Variants in STAG1 observed in about 807,000 individuals in gnomAD.
The protein encoded by STAG1 is cohesin subunit SA-1.
In STAG1, 26 loss-of-function variants were observed where a neutral mutation model predicts 170.9. The observed-to-expected ratio is 0.15, with a 90% confidence interval of 0.11 to 0.21. The LOEUF (loss-of-function observed/expected upper bound fraction) is 0.21, where lower values mean the gene tolerates loss of function less well. STAG1 is among the 10% of genes least tolerant of loss of function. The pLI, the probability that STAG1 is intolerant of heterozygous loss-of-function variation, is 1.00. For missense variants in STAG1, 964 were observed against 1,509.5 expected, an observed-to-expected ratio of 0.64 and a Z score of 5.99; for synonymous variants, 514 against 497.7, an observed-to-expected ratio of 1.03 and a Z score of -0.44.
rs1224034967 is a variant in STAG1 at position 136,455,632 on chromosome 3, C to T, written c.1314-3485G>A. On this transcript the variant is annotated intron_variant, in intron 13 of 33. Transcript: ENST00000383202. ...CAACTGGTGCACGGATCTTGGCAGCCACTCGGCACATTGGCCAGTGGGAAT... is the reference window on the plus strand; with the variant it reads ...CAACTGGTGCACGGATCTTGGCAGCTACTCGGCACATTGGCCAGTGGGAAT... Among the ~76,000 whole-genome samples, 7 of 152,198 alleles carry T rather than the reference C, an allele frequency of 4.6e-5. No individual in the cohort carries two copies. The East Asian group carries it at 1.2e-3, about 25-fold the overall frequency.
chr3:136,464,314 T>C (rs1430000094), intron 13 of STAG1, among the ~76,000 whole-genome samples: 1 of 151,982 alleles, frequency 6.6e-6, no homozygotes, highest in Admixed American at 6.6e-5. Flanking sequence ...TCCCAGCTAC[T>C]TGGGAAGCTG....
At chr3:136,672,966 A>G (rs984494802) in intron 1 of STAG1, among the ~76,000 whole-genome samples, 8 of 152,234 alleles carry the variant, frequency 5.3e-5, no homozygotes, top group African/African-American at 1.9e-4. Flanking sequence ...TCCCAAAGCA[A>G]GACTAGATGT....
At chr3:136,573,306 T>G (rs1937336193) in intron 4 of STAG1, among the ~76,000 whole-genome samples, 1 of 152,052 alleles carries the variant, frequency 6.6e-6, no homozygotes. Context: ...GGTGGGTGGA[T>G]AATGCAGCCT....
chr3:136,703,419 G>A (rs1277372812), intron 1 of STAG1, among the ~76,000 whole-genome samples: 1 of 152,208 alleles, frequency 6.6e-6, no homozygotes, highest in African/African-American at 2.4e-5. Context: ...AAAAATTGGG[G>A]TTGTGTGTTT....
intron 13 of STAG1, among the ~76,000 whole-genome samples, chr3:136,454,638 C>T (rs576576013): frequency 2.0e-5 from 3 of 152,286 alleles, no homozygotes; most frequent in African/African-American, 7.2e-5. Flanking sequence ...CCTCGGCCTC[C>T]CAAAGTGCTG....
At chr3:136,499,774 T>C (rs1463775256) in intron 9 of STAG1, 3 of 152,076 alleles carry the variant, frequency 2.0e-5, no homozygotes, top group Non-Finnish European at 4.4e-5. Flanking sequence ...GTTGTTGCAT[T>C]AACTGCGGGG....
intron 16 of STAG1, among the ~76,000 whole-genome samples, chr3:136,431,889 G>C (rs1164190209): frequency 3.3e-5 from 5 of 152,094 alleles, no homozygotes; most frequent in Non-Finnish European, 7.4e-5. Flanking sequence ...TCTATATGTG[G>C]AACTTTTGTG....
At chr3:136,355,329 GT>G (rs1339634199) in intron 28 of STAG1, among the ~76,000 whole-genome samples, 1 of 131,916 alleles carries the variant, frequency 7.6e-6, no homozygotes, top group African/African-American at 2.8e-5. Context: ...TCCAGCCTGG[GT>G]ATCAGAGTGA....
intron 1 of STAG1, among the ~76,000 whole-genome samples, chr3:136,650,226 A>G (rs936198167): frequency 6.7e-6 from 1 of 150,048 alleles, no homozygotes; most frequent in Admixed American, 6.7e-5. Context: ...ACAAAGTGAG[A>G]CCCTGTCAAG....
At chr3:136,472,536 A>T in intron 11 of STAG1, 44 bp from the exon 12 acceptor site, 1 of 1,358,870 alleles carries the variant, frequency 7.4e-7, no homozygotes, top group Non-Finnish European at 1.1e-6. Context: ...TGAACAGAAA[A>T]TAAGCTGGGA....
At chr3:136,629,508 T>C (rs997950200) in intron 2 of STAG1, among the ~76,000 whole-genome samples, 3 of 152,056 alleles carry the variant, frequency 2.0e-5, no homozygotes, top group Admixed American at 6.5e-5. Flanking sequence ...TATTTATATA[T>C]ATGATATCAT....
chr3:136,596,893 G>A (rs1218387226), intron 4 of STAG1, among the ~76,000 whole-genome samples: 1 of 151,984 alleles, frequency 6.6e-6, no homozygotes, highest in Non-Finnish European at 1.5e-5. Context: ...GCCAACATAG[G>A]GAAACCTTGT....
chr3:136,498,707 A>C (rs1440160595), intron 9 of STAG1, among the ~76,000 whole-genome samples: 2 of 151,960 alleles, frequency 1.3e-5, no homozygotes, highest in African/African-American at 4.8e-5. Flanking sequence ...AAAAAAAAAA[A>C]CAAAGACTGC....
At chr3:136,475,828 G>A (rs1020514587) in intron 10 of STAG1, among the ~76,000 whole-genome samples, 2 of 152,164 alleles carry the variant, frequency 1.3e-5, no homozygotes, top group Non-Finnish European at 2.9e-5. Context: ...AAGAGAAAAT[G>A]ACAGGGCCAG....
At chr3:136,357,591 C>A in intron 28 of STAG1, 129 bp downstream of exon 28, 1 of 694,298 alleles carries the variant, frequency 1.4e-6, no homozygotes, top group Non-Finnish European at 2.3e-6. Context: ...ACTATAATTC[C>A]TTAAAACAAA....
chr3:136,433,657 T>A lies in STAG1; in HGVS notation c.1549A>T (p.Met517Leu), dbSNP rs933267420. The A allele has an allele frequency of 1.9e-6, 3 of 1,609,286 alleles. No homozygotes were observed. Among genetic ancestry groups the A allele is most frequent in the African/African-American group, 1.3e-5 (1 of 74,560 alleles). ...LEEPVQGEEA[M>L]SDRQESALIE... ...AGAGCACTCTCTTGACGATCAGACATTGCTAAGGTAAAACAAAATACATGA... is the reference window on the plus strand; with the variant it reads ...AGAGCACTCTCTTGACGATCAGACAATGCTAAGGTAAAACAAAATACATGA... Residue 517 changes from methionine (M) to leucine (L), a missense_variant and splice_region_variant, in exon 16 of 34, where the codon ATG (methionine) becomes TTG (leucine). Physicochemically the swap from Met to Leu is conservative, Grantham distance 15. Around this residue, in one of 11 missense-constraint regions of STAG1, gnomAD observed 162 missense variants for 211.2 expected, o/e 0.77. Coordinates refer to ENST00000383202, the MANE Select transcript of STAG1 (RefSeq NM_005862.3).
chr3:136,652,599 G>T (rs912069660), intron 1 of STAG1, among the ~76,000 whole-genome samples: 1 of 152,124 alleles, frequency 6.6e-6, no homozygotes, highest in African/African-American at 2.4e-5. Context: ...AATTAGAAAG[G>T]AAGAGACCAG....
intron 10 of STAG1, 61 bp downstream of exon 10, chr3:136,477,228 C>T (rs767824600): frequency 1.3e-6 from 2 of 1,501,340 alleles, no homozygotes; most frequent in Non-Finnish European, 1.8e-6. Context: ...ATTTTGATTC[C>T]CAGCATTTTA....
intron 7 of STAG1, among the ~76,000 whole-genome samples, chr3:136,503,860 G>A (rs944950947): frequency 1.3e-5 from 2 of 151,652 alleles, no homozygotes; most frequent in Non-Finnish European, 1.5e-5. Context: ...CTCAGCCTCC[G>A]GAGTAGCTGG....
Sources: allele counts gnomAD v4.1 joint callset (sites outside exome capture counted in the v4.1 genomes callset), GRCh38; gene constraint gnomAD v4.1.1; regional missense constraint gnomAD v4.1.1; transcripts MANE v1.5; gene names NCBI Gene and HGNC (gene_info 2026-07-23, HGNC 2026-07-21).